The following OR6J1 variants were observed in gnomAD, a reference collection of about 807,000 sequenced individuals.
OR6J1 encodes the protein olfactory receptor family 6 subfamily J member 1.
For missense variants in OR6J1, 304 were observed against 166.8 expected (o/e 1.82, Z -4.53); for synonymous variants, 109 against 70.0 (o/e 1.56, Z -2.78).
rs1359350279 is a variant in OR6J1, at chr14:22,631,654, C to T, written c.*2114G>A. 6.6e-6 allele frequency: 1 copy of T among 152,190 alleles called. No homozygotes were observed. The highest frequency in any genetic ancestry group is 6.5e-5 in the Admixed American group (1 of 15,276). The allele number at this position is 152,190 out of a possible 1,614,324, so 9.4% of individuals were successfully genotyped here. ...TGGTCCTGAGGTGACATACATCTTC[C>T]TCAGCTGACAGGATTAAGAGATTAA... On this transcript the variant is annotated 3_prime_UTR_variant, in exon 2 of 2. Transcript: ENST00000540461.
chr14:22,641,447 G>GAGAGAA lies in OR6J1; in HGVS notation c.-28+2650_-28+2651insTTCTCT, dbSNP rs1555311032. ...AGAAAGAAAGAAAGAATGAAAGAGA[G>GAGAGAA]AGAAAGAAAGAAAGAAAGAAAAAGA... On this transcript the variant is annotated intron_variant, in intron 1 of 1. Coordinates refer to ENST00000540461, the MANE Select transcript of OR6J1 (RefSeq NM_001348233.2). Among the ~76,000 whole-genome samples the GAGAGAA allele has an allele frequency of 1.9e-4, 9 of 48,128 alleles. 1 individual carries two copies. Among genetic ancestry groups the GAGAGAA allele is most frequent in the African/African-American group, 5.4e-4 (8 of 14,728 alleles). 31.6% of individuals were successfully genotyped at this position (48,128 alleles called of 152,430 possible).
At chr14:22,639,246 C>A (rs2037623087) in intron 1 of OR6J1, among the ~76,000 whole-genome samples, 1 of 125,642 alleles carries the variant, frequency 8.0e-6, no homozygotes. Flanking sequence ...GGGGGTCAGC[C>A]CCCCGCCAGG....
intron 1 of OR6J1, among the ~76,000 whole-genome samples, chr14:22,636,933 G>C (rs556172794): frequency 3.3e-5 from 4 of 121,958 alleles, no homozygotes; most frequent in Middle Eastern, 3.7e-3. Flanking sequence ...AGTGAGGAGC[G>C]TCTCTGCCCG....
chr14:22,634,121 T>A lies in OR6J1; in HGVS notation c.691A>T (p.Ser231Cys). The A allele has an allele frequency of 1.4e-6, 1 of 703,236 alleles. No homozygotes were observed. The highest frequency in any genetic ancestry group is 2.3e-4 in the Middle Eastern group (1 of 4,368). The allele number at this position is 703,236 out of a possible 1,614,324, so 43.6% of individuals were successfully genotyped here. ...ILTIVRIPSASGRKKAFNTCA... is the reference protein window; with the variant it reads ...ILTIVRIPSACGRKKAFNTCA... The stretch of plus-strand genomic sequence containing the variant: ...GTATTAAAGGCCTTCTTCCTTCCAC[T>A]TGCAGAAGGAATGCGCACTATGGTC... The change falls in exon 2 of 2, where the codon AGT (serine) becomes TGT (cysteine). Residue 231 changes from serine (S) to cysteine (C), a missense_variant. Transcript: ENST00000540461.
intron 1 of OR6J1, among the ~76,000 whole-genome samples, chr14:22,637,832 G>A (rs1216665640): frequency 2.2e-5 from 1 of 45,716 alleles, no homozygotes; most frequent in Non-Finnish European, 4.1e-5. Flanking sequence ...CCCTCTGCCC[G>A]GCCAGCCGCC....
In OR6J1 at chr14:22,636,676, G is replaced by A. The variant is rs1425883225; in HGVS notation, c.-27-1838C>T. Among the ~76,000 whole-genome samples the A allele has an allele frequency of 2.3e-4, 26 of 115,332 alleles. 2 individuals carry two copies. Among genetic ancestry groups the A allele is most frequent in the South Asian group, 1.1e-3 (4 of 3,796 alleles). 75.7% of individuals were successfully genotyped at this position (115,332 alleles called of 152,430 possible). A position where few individuals can be genotyped will look rare whatever the true frequency, so the allele number is the denominator to read the frequency against. ...AGTGATCCGCCAGCCTCAGCCTCCC[G>A]GGGTGCCGGGATTGCGGACGGAGTC... On this transcript the variant is annotated intron_variant, in intron 1 of 1. Coordinates refer to ENST00000540461, the MANE Select transcript of OR6J1 (RefSeq NM_001348233.2).
chr14:22,635,893 T>C lies in OR6J1; in HGVS notation c.-27-1055A>G, dbSNP rs1294571213. On this transcript the variant is annotated intron_variant, in intron 1 of 1. Transcript: ENST00000540461. ...TCAGAGTAGAAAAGAACCTACTAAATAAGACCCAAAAAAGTGCTAAACAGA... is the reference window on the plus strand; with the variant it reads ...TCAGAGTAGAAAAGAACCTACTAAACAAGACCCAAAAAAGTGCTAAACAGA... Among the ~76,000 whole-genome samples, 4 of 151,912 alleles carry C rather than the reference T, an allele frequency of 2.6e-5. No individual in the cohort carries two copies. In the South Asian group the frequency reaches 8.3e-4, roughly 31 times the overall value.
intron 1 of OR6J1, among the ~76,000 whole-genome samples, chr14:22,635,225 A>G (rs1411230259): frequency 6.6e-6 from 1 of 152,244 alleles, no homozygotes; most frequent in African/African-American, 2.4e-5. Context: ...ATTTTTTACA[A>G]TAATGAAAAT....
rs889775391 is a variant in OR6J1, at chr14:22,634,336, G to A, written c.476C>T (p.Thr159Ile). The change falls in exon 2 of 2, where the codon ACC becomes ATC. Residue 159 changes from threonine to isoleucine, a missense_variant. By Grantham distance (89) the Thr-to-Ile change is moderately conservative (BLOSUM62 -1). Coordinates refer to ENST00000540461, the MANE Select transcript of OR6J1 (RefSeq NM_001348233.2). ...GAAGGGCAGCTGGGAGATGAGGATGGTTGGAAAGAGCACAGACAGGAAGCC... is the reference window on the plus strand; with the variant it reads ...GAAGGGCAGCTGGGAGATGAGGATGATTGGAAAGAGCACAGACAGGAAGCC... The part of the protein sequence containing the change: ...VGGFLSVLFP[T>I]ILISQLPFCG... The A allele has an allele frequency of 1.4e-6, 1 of 703,270 alleles. No homozygotes were observed. The highest frequency in any genetic ancestry group is 2.7e-5 in the East Asian group (1 of 37,302). 43.6% of individuals were successfully genotyped at this position (703,270 alleles called of 1,614,324 possible). A position where few individuals can be genotyped will look rare whatever the true frequency, so the allele number is the denominator to read the frequency against.
chr14:22,642,013 G>C (rs1052757500), intron 1 of OR6J1, among the ~76,000 whole-genome samples: 1 of 152,002 alleles, frequency 6.6e-6, no homozygotes, highest in Non-Finnish European at 1.5e-5. Flanking sequence ...AGTAAAGGAA[G>C]AGGACTGCAG....
In OR6J1 at chr14:22,632,877, A is replaced by G. The variant is rs984882752; in HGVS notation, c.*891T>C. 2 of 152,174 alleles carry G rather than the reference A, an allele frequency of 1.3e-5. No individual in the cohort carries two copies. Among genetic ancestry groups the G allele is most frequent in the African/African-American group, 4.8e-5 (2 of 41,424 alleles). The allele number at this position is 152,174 out of a possible 1,614,324, so 9.4% of individuals were successfully genotyped here. On this transcript the variant is annotated 3_prime_UTR_variant, in exon 2 of 2. Transcript: ENST00000540461. ...CTCTCTTCTCTGTTTTTCTCTATAC[A>G]TCAACTGCATTCTCTCTGAGGGGCA...
chr14:22,640,260 AG>A (rs1188912998), intron 1 of OR6J1, among the ~76,000 whole-genome samples: 64 of 86,942 alleles, frequency 7.4e-4, no homozygotes, highest in Non-Finnish European at 1.1e-3. Context: ...GAAGGAAGCA[AG>A]GAAGGAAGGA....
chr14:22,636,552 A>G (rs1398438605), intron 1 of OR6J1, among the ~76,000 whole-genome samples: 3 of 114,090 alleles, frequency 2.6e-5, no homozygotes, highest in East Asian at 2.3e-4. Flanking sequence ...CTGCGATTGC[A>G]GGCGCACGCC....
chr14:22,634,384 G>T lies in OR6J1; in HGVS notation c.428C>A (p.Thr143Asn). The T allele has an allele frequency of 1.4e-6, 1 of 703,378 alleles. No individual in the cohort carries two copies. Among genetic ancestry groups the T allele is most frequent in the African/African-American group, 1.7e-5 (1 of 57,348 alleles). 43.6% of individuals were successfully genotyped at this position (703,378 alleles called of 1,614,324 possible). ...TIMRPSVCIG[T>N]VVFSWVGGFL... is the part of the protein sequence containing the mutation. ...GCCTCCCACCCAAGAGAATACAACG[G>T]TCCCAATGCAGACAGAAGGTCTCAT... The change falls in exon 2 of 2, where the codon ACC (threonine) becomes AAC (asparagine). Residue 143 changes from threonine to asparagine, a missense_variant. By Grantham distance (65) the Thr-to-Asn change is moderately conservative. Transcript: ENST00000540461.
intron 1 of OR6J1, among the ~76,000 whole-genome samples, chr14:22,643,760 CACACAG>C (rs1486554931): frequency 3.1e-3 from 192 of 62,948 alleles, no homozygotes; most frequent in East Asian, 0.012. Flanking sequence ...CACACACACA[CACACAG>C]AGAGAGAGAG....
At chr14:22,641,622 T>C (rs1476321645) in intron 1 of OR6J1, among the ~76,000 whole-genome samples, 2 of 151,930 alleles carry the variant, frequency 1.3e-5, no homozygotes, top group Non-Finnish European at 2.9e-5. Context: ...TATACATAGT[T>C]GGATTGAAAA....
rs2037544584 is a variant in OR6J1, at chr14:22,631,354, G to A, written c.*2414C>T. On this transcript the variant is annotated 3_prime_UTR_variant, in exon 2 of 2. Transcript: ENST00000540461. ...CATAAAAGACGGGCACGCCCAGGGG[G>A]GCCGTCTATAGGACTACACTCCCAG... The A allele has an allele frequency of 6.6e-6, 1 of 152,170 alleles. No homozygotes were observed. Among genetic ancestry groups the A allele is most frequent in the Non-Finnish European group, 1.5e-5 (1 of 68,038 alleles). 9.4% of individuals were successfully genotyped at this position (152,170 alleles called of 1,614,324 possible). A position where few individuals can be genotyped will look rare whatever the true frequency, so the allele number is the denominator to read the frequency against.
In OR6J1 at chr14:22,634,423, C is replaced by T. The variant is rs567001899; in HGVS notation, c.389G>A (p.Arg130Gln). 4.4e-5 allele frequency: 31 copies of T among 703,260 alleles called. No homozygotes were observed. Among genetic ancestry groups the T allele is most frequent in the African/African-American group, 1.7e-4 (10 of 57,326 alleles). The allele number at this position is 703,260 out of a possible 1,614,324, so 43.6% of individuals were successfully genotyped here. A position where few individuals can be genotyped will look rare whatever the true frequency, so the allele number is the denominator to read the frequency against. The change falls in exon 2 of 2, where the codon CGG becomes CAG. Residue 130 changes from arginine (R) to glutamine (Q), a missense_variant. By Grantham distance (43) the Arg-to-Gln change is conservative. Coordinates refer to ENST00000540461, the MANE Select transcript of OR6J1 (RefSeq NM_001348233.2). ...DRYATICCPL[R>Q]YTTIMRPSVC... ...AGAAGGTCTCATGATGGTGGTGTAC[C>T]GCAGGGGGCAGCAGATGGTGGCATA... is the stretch of plus-strand genomic sequence containing the variant.
intron 1 of OR6J1, among the ~76,000 whole-genome samples, chr14:22,636,148 T>C (rs896020750): frequency 2.5e-4 from 37 of 150,206 alleles, no homozygotes; most frequent in Non-Finnish European, 4.3e-4. Flanking sequence ...CTGAACTCCA[T>C]TAAAGAGGAA....
Sources: gnomAD v4.1 joint callset for allele counts (sites outside exome capture counted in the v4.1 genomes callset) on GRCh38, gnomAD v4.1.1 for gene constraint, MANE v1.5 for transcripts, NCBI Gene and HGNC (gene_info 2026-07-23, HGNC 2026-07-21) for gene names.